PRRT1: variants seen among roughly 807,000 people sequenced by gnomAD.
The protein encoded by PRRT1 is proline-rich transmembrane protein 1.
A neutral mutation model predicts 22.6 loss-of-function variants in PRRT1; 8 were observed. The ratio of observed to expected loss-of-function variants is 0.35; its 90% CI spans 0.21 to 0.64. PRRT1 has a LOEUF of 0.64. PRRT1 is among the 30% of genes least tolerant of loss of function. The pLI is 0.69. For missense variants in PRRT1, 315 were observed against 444.5 expected (o/e 0.71, Z 2.62); for synonymous variants, 176 against 203.6 (o/e 0.86, Z 1.15).
chr6:32,152,387 A>G (rs1783380059), upstream of PRRT1, among the ~76,000 whole-genome samples: 1 of 152,116 alleles, frequency 6.6e-6, no homozygotes, highest in South Asian at 2.1e-4. Flanking sequence ...AGAGATAAAT[A>G]CTTGTGTGTG....
rs1345958137 is a variant in PRRT1, at chr6:32,150,237, G to C, written c.558+131C>G. ...CCTGTCTCAGGCTCCCTTCTTTCTA[G>C]GGCTTGTCCCGGGAACACTACCTGT... On this transcript the variant is annotated intron_variant, in intron 2 of 3. Transcript: ENST00000211413. The surrounding 1 kb of genome is among the most constrained non-coding windows in gnomAD (Gnocchi z 7.2). 8.5e-7 allele frequency: 1 copy of C among 1,175,176 alleles called. No homozygotes were observed. Among genetic ancestry groups the C allele is most frequent in the African/African-American group, 1.6e-5 (1 of 61,332 alleles). The allele number at this position is 1,175,176 out of a possible 1,614,324, so 72.8% of individuals were successfully genotyped here.
upstream of PRRT1, among the ~76,000 whole-genome samples, chr6:32,152,608 A>T (rs1416544213): frequency 6.6e-6 from 1 of 152,028 alleles, no homozygotes; most frequent in Non-Finnish European, 1.5e-5. Context: ...TGGAGGGGGT[A>T]GGGGGTATGA....
chr6:32,151,035 G>A (rs1484688999), intron 1 of PRRT1, 129 bp from the exon 2 acceptor site: 3 of 819,576 alleles, frequency 3.7e-6, no homozygotes, highest in South Asian at 1.4e-5. Flanking sequence ...AGAGAGAGAC[G>A]GGTGAGAAAC....
chr6:32,151,225 T>C, intron 1 of PRRT1: 1 of 612,228 alleles, frequency 1.6e-6, no homozygotes, highest in Non-Finnish European at 2.9e-6. Context: ...TAGCTGCCTT[T>C]GGGCTGGCCT....
Position 32,149,158 on chromosome 6 carries a change from G to T in PRRT1, c.*64C>A. The T allele has an allele frequency of 1.3e-6, 2 of 1,561,700 alleles. No homozygotes were observed. Among genetic ancestry groups the T allele is most frequent in the Non-Finnish European group, 1.7e-6 (2 of 1,142,860 alleles). On this transcript the variant is annotated 3_prime_UTR_variant, in exon 4 of 4. Coordinates refer to ENST00000211413, the MANE Select transcript of PRRT1 (RefSeq NM_030651.4). This position sits in a 1 kb window ranked among gnomAD's most constrained non-coding sequence, Gnocchi z 8.7. ...GTGCAGGGCGCCCATTGGGTCCGCG[G>T]TATGACTGCAGAAAGAGCCTGGGAG...
upstream of PRRT1, chr6:32,151,998 G>GGGGGGGT: frequency 1.9e-5 from 7 of 376,818 alleles, no homozygotes; most frequent in South Asian, 3.6e-5. Context: ...CGGGGAGGGG[G>GGGGGGGT]GGAGCTTAAA....
upstream of PRRT1, chr6:32,152,206 G>C: frequency 1.7e-6 from 1 of 599,114 alleles, no homozygotes; most frequent in Admixed American, 2.2e-5. Flanking sequence ...GAACTCTCTG[G>C]AGTCTCCCCC....
chr6:32,148,913 C>T lies in PRRT1; in HGVS notation c.*309G>A. The T allele has an allele frequency of 1.5e-6, 1 of 653,790 alleles. No homozygotes were observed. The allele number at this position is 653,790 out of a possible 1,614,324, so 40.5% of individuals were successfully genotyped here. On this transcript the variant is annotated 3_prime_UTR_variant, in exon 4 of 4. Transcript: ENST00000211413. The surrounding 1 kb of genome is among the most constrained non-coding windows in gnomAD (Gnocchi z 5.7). ...AGGAGGCGGGGTTTTAGGGACCAAA[C>T]CGAGGTTGCTCGGTTGGGGGCGCTA... is the stretch of plus-strand genomic sequence containing the variant.
chr6:32,149,475 TC>T lies in PRRT1; in HGVS notation c.744+61del. ...ACGCCTCAGCCTTTCTCTAAGATGG[TC>T]CCCAGAACGCCCAGAACTCCCTGTC... On this transcript the variant is annotated intron_variant, in intron 3 of 3. Transcript: ENST00000211413. The surrounding 1 kb of genome is among the most constrained non-coding windows in gnomAD (Gnocchi z 8.7). The T allele has an allele frequency of 6.2e-7, 1 of 1,604,930 alleles. No homozygotes were observed. Among genetic ancestry groups the T allele is most frequent in the Non-Finnish European group, 8.5e-7 (1 of 1,175,514 alleles).
chr6:32,152,603 G>T (rs913561033), upstream of PRRT1, among the ~76,000 whole-genome samples: 1 of 152,020 alleles, frequency 6.6e-6, no homozygotes, highest in African/African-American at 2.4e-5. Context: ...TCTTTTGGAG[G>T]GGGTAGGGGG....
rs1783124013 is a variant in PRRT1 at position 32,149,214 on chromosome 6, G to A, written c.*8C>T. 1 of 1,611,248 alleles carries A rather than the reference G, an allele frequency of 6.2e-7. No homozygotes were observed. Among genetic ancestry groups the A allele is most frequent in the South Asian group, 1.1e-5 (1 of 90,306 alleles). On this transcript the variant is annotated 3_prime_UTR_variant, in exon 4 of 4. Coordinates refer to ENST00000211413, the MANE Select transcript of PRRT1 (RefSeq NM_030651.4). This position sits in a 1 kb window ranked among gnomAD's most constrained non-coding sequence, Gnocchi z 8.7. Reference sequence around the variant, plus strand: ...GGGGCGCAGAGTGGGGCCGGACCAGGGGCGTTTTTAGGGATCCCAGTAGTT... The same window carrying A: ...GGGGCGCAGAGTGGGGCCGGACCAGAGGCGTTTTTAGGGATCCCAGTAGTT...
upstream of PRRT1, chr6:32,151,973 C>CGGGGGGGGGGGGGG: frequency 3.6e-5 from 3 of 84,034 alleles, no homozygotes; most frequent in South Asian, 5.5e-5. Context: ...GCGGGGGGGG[C>CGGGGGGGGGGGGGG]GGGCGGAGGG....
chr6:32,150,992 C>A lies in PRRT1; in HGVS notation c.20-86G>T. 9.2e-7 allele frequency: 1 copy of A among 1,085,572 alleles called. No individual in the cohort carries two copies. The highest frequency in any genetic ancestry group is 1.4e-6 in the Non-Finnish European group (1 of 734,342). The allele number at this position is 1,085,572 out of a possible 1,614,324, so 67.2% of individuals were successfully genotyped here. On this transcript the variant is annotated intron_variant, in intron 1 of 3. Transcript: ENST00000211413. The surrounding 1 kb of genome is among the most constrained non-coding windows in gnomAD (Gnocchi z 7.2). ...GGGGGTAAGGGGAAACACAGCCGGT[C>A]AGGGATGGAGAAAGATAATGGGAGA... is the stretch of plus-strand genomic sequence containing the variant.
upstream of PRRT1, chr6:32,151,946 A>AGCG (rs746506636): frequency 7.1e-4 from 95 of 133,186 alleles, no homozygotes; most frequent in Non-Finnish European, 1.1e-3. Flanking sequence ...AGATGAAGGC[A>AGCG]GCGGCGGGGG....
chr6:32,149,988 C>T lies in PRRT1; in HGVS notation c.559-266G>A. The stretch of plus-strand genomic sequence containing the variant: ...CACTGGGGCTGTCCTGGCCTCAGGT[C>T]AGACCTTCTTTCTTCCCTCCAGACA... On this transcript the variant is annotated intron_variant, in intron 2 of 3. Coordinates refer to ENST00000211413, the MANE Select transcript of PRRT1 (RefSeq NM_030651.4). The surrounding 1 kb of genome is among the most constrained non-coding windows in gnomAD (Gnocchi z 8.7). 3.8e-6 allele frequency: 2 copies of T among 525,788 alleles called. No homozygotes were observed. The highest frequency in any genetic ancestry group is 2.8e-5 in the South Asian group (1 of 35,678). The allele number at this position is 525,788 out of a possible 1,614,324, so 32.6% of individuals were successfully genotyped here. A position where few individuals can be genotyped will look rare whatever the true frequency, so the allele number is the denominator to read the frequency against.
chr6:32,152,694 C>T (rs1255337373), upstream of PRRT1: 1 of 156,622 alleles, frequency 6.4e-6, no homozygotes, highest in African/African-American at 2.4e-5. Context: ...TTTGAGGCTG[C>T]TTAGAGTCTC....
chr6:32,151,951 C>CGCGGGGGGGGGGGGGGGGGGGGGGGGGGG, upstream of PRRT1: 1 of 214,888 alleles, frequency 4.7e-6, no homozygotes. Flanking sequence ...AAGGCAGCGG[C>CGCGGGGGGGGGGGGGGGGGGGGGGGGGGG]GGGGGGGGGG....
chr6:32,151,654 GA>G (rs1335496860), intron 1 of PRRT1, 154 bp downstream of exon 1: 13 of 616,082 alleles, frequency 2.1e-5, no homozygotes, highest in Non-Finnish European at 3.5e-5. Flanking sequence ...GGGGGAGACA[GA>G]AAGAGGAGGG....
chr6:32,149,220 T>A lies in PRRT1; in HGVS notation c.*2A>T. 1.9e-6 allele frequency: 3 copies of A among 1,576,430 alleles called. No individual in the cohort carries two copies. Among genetic ancestry groups the A allele is most frequent in the Non-Finnish European group, 2.6e-6 (3 of 1,157,672 alleles). ...CAGAGTGGGGCCGGACCAGGGGCGT[T>A]TTTAGGGATCCCAGTAGTTCTCGTG... On this transcript the variant is annotated 3_prime_UTR_variant, in exon 4 of 4. Transcript: ENST00000211413. This position sits in a 1 kb window ranked among gnomAD's most constrained non-coding sequence, Gnocchi z 8.7.
Sources: allele counts gnomAD v4.1 joint callset (sites outside exome capture counted in the v4.1 genomes callset), GRCh38; gene constraint gnomAD v4.1.1; non-coding constraint Gnocchi (gnomAD v3.1); transcripts MANE v1.5; gene names NCBI Gene and HGNC (gene_info 2026-07-23, HGNC 2026-07-21).